Variants in RCBTB1 observed in about 807,000 individuals in gnomAD.
RCBTB1 encodes RCC1 and BTB domain containing protein 1.
RCBTB1 carries 46 observed loss-of-function variants against 62.4 expected under a neutral mutation model. The observed-to-expected ratio is 0.74, with a 90% CI of 0.58 to 0.94. The LOEUF is 0.94. RCBTB1 is among the 40% of genes least tolerant of loss of function. The pLI is 0.00. For synonymous variants in RCBTB1, 222 were observed against 245.8 expected, an observed-to-expected ratio of 0.90 and a Z score of 0.91; for missense variants, 565 against 654.9, an observed-to-expected ratio of 0.86 and a Z score of 1.50.
chr13:49,567,168 T>G lies in RCBTB1; in HGVS notation c.112A>C (p.Thr38Pro). ...GTSASEALYVTDNDEVFVFGL... is the reference protein window; with the variant it reads ...GTSASEALYVPDNDEVFVFGL... ...GAGACTCTTACCTCATCATTGTCAG[T>G]AACGTACAGTGCTTCACTGGCTGAG... The change falls in exon 3 of 13, where the codon ACT (threonine) becomes CCT (proline). Residue 38 changes from threonine (T) to proline (P), a missense_variant. Thr to Pro is a conservative substitution (Grantham distance 38). Transcript: ENST00000378302. 1.2e-6 allele frequency: 2 copies of G among 1,614,112 alleles called. No individual in the cohort carries two copies. Among genetic ancestry groups the G allele is most frequent in the Admixed American group, 3.3e-5 (2 of 60,018 alleles).
In RCBTB1 at chr13:49,554,733, C is replaced by T. The variant is rs143298413; in HGVS notation, c.603+782G>A. On this transcript the variant is annotated intron_variant, in intron 6 of 12. Transcript: ENST00000378302. ...GCTCCATATGAGAATCTAACTCATG[C>T]TTGATGATCTGAGGTGGAACAGTTT... Among the ~76,000 whole-genome samples the T allele has an allele frequency of 4.1e-3, 619 of 152,314 alleles. 2 individuals are homozygous for T. The highest frequency in any genetic ancestry group is 0.027 in the Middle Eastern group (8 of 294).
rs763769082 is a variant in RCBTB1, at chr13:49,534,272, C to G, written c.1456-10G>C. ...AGAATTCTTCTAAATCCTGGACACA[C>G]AACAAAAATAAAAACAAAAATGGCT... is the stretch of plus-strand genomic sequence containing the variant. On this transcript the variant is annotated splice_polypyrimidine_tract_variant and intron_variant, in intron 12 of 12. Transcript: ENST00000378302. 3.1e-6 allele frequency: 5 copies of G among 1,601,638 alleles called. No homozygotes were observed. The East Asian group carries it at 1.1e-4, about 36-fold the overall frequency.
intron 3 of RCBTB1, 62 bp downstream of exon 3, chr13:49,567,085 AACTGGAC>A: frequency 6.8e-7 from 1 of 1,469,984 alleles, no homozygotes; most frequent in African/African-American, 1.4e-5. Context: ...TCCATCTTTG[AACTGGAC>A]ACTTTGAAGA....
chr13:49,539,761 C>G (rs956796080), intron 12 of RCBTB1, among the ~76,000 whole-genome samples: 1 of 152,200 alleles, frequency 6.6e-6, no homozygotes, highest in Non-Finnish European at 1.5e-5. Flanking sequence ...CTTTGATCAT[C>G]ATTCCATCTG....
At chr13:49,558,924 T>C (rs1594301014) in intron 5 of RCBTB1, among the ~76,000 whole-genome samples, 1 of 152,210 alleles carries the variant, frequency 6.6e-6, no homozygotes, top group African/African-American at 2.4e-5. Flanking sequence ...TCACCATAAA[T>C]TGGGTAAATA....
intron 2 of RCBTB1, among the ~76,000 whole-genome samples, chr13:49,573,593 C>T (rs537419812): frequency 2.0e-5 from 3 of 151,348 alleles, no homozygotes; most frequent in East Asian, 2.0e-4. Context: ...GGATTACAGG[C>T]GCCCACCATC....
chr13:49,585,444 C>T lies in RCBTB1; in HGVS notation c.-122G>A, dbSNP rs1416994949. On this transcript the variant is annotated splice_region_variant and 5_prime_UTR_variant, in exon 1 of 13. Coordinates refer to ENST00000378302, the MANE Select transcript of RCBTB1 (RefSeq NM_018191.4). ...GCTCGACCCCGCGCCCACACGCTACCTGCGAGGTCAGCTGCTGCCGCGCCG... is the reference window on the plus strand; with the variant it reads ...GCTCGACCCCGCGCCCACACGCTACTTGCGAGGTCAGCTGCTGCCGCGCCG... 2 of 152,340 alleles carry T rather than the reference C, an allele frequency of 1.3e-5. No homozygotes were observed. 9.4% of individuals were successfully genotyped at this position (152,340 alleles called of 1,614,324 possible).
intron 12 of RCBTB1, among the ~76,000 whole-genome samples, chr13:49,536,286 T>C (rs1006910657): frequency 1.3e-5 from 2 of 152,130 alleles, no homozygotes; most frequent in South Asian, 2.1e-4. Context: ...GGCAGATCTA[T>C]GTAAAAGGAA....
intron 12 of RCBTB1, among the ~76,000 whole-genome samples, chr13:49,540,400 G>A (rs953395876): frequency 2.0e-5 from 3 of 152,196 alleles, no homozygotes; most frequent in African/African-American, 7.2e-5. Context: ...GGAGTCCACA[G>A]CAAGTTCTTA....
intron 12 of RCBTB1, among the ~76,000 whole-genome samples, chr13:49,535,532 C>T (rs768648414): frequency 6.6e-6 from 1 of 151,670 alleles, no homozygotes; most frequent in Non-Finnish European, 1.5e-5. Context: ...AGGTTTTGAC[C>T]GCACATTTCC....
At chr13:49,556,155 T>G (rs1961842668) in intron 5 of RCBTB1, among the ~76,000 whole-genome samples, 2 of 152,050 alleles carry the variant, frequency 1.3e-5, no homozygotes, top group Non-Finnish European at 2.9e-5. Context: ...GCATAAATAT[T>G]CATTGTTTTC....
At chr13:49,543,874 A>C (rs1960589812) in intron 10 of RCBTB1, among the ~76,000 whole-genome samples, 1 of 152,066 alleles carries the variant, frequency 6.6e-6, no homozygotes, top group Admixed American at 6.6e-5. Context: ...TTTTGTAGAG[A>C]CAGTGTCTCG....
At chr13:49,559,601 A>G (rs1300453236) in intron 5 of RCBTB1, among the ~76,000 whole-genome samples, 1 of 145,684 alleles carries the variant, frequency 6.9e-6, no homozygotes, top group Non-Finnish European at 1.5e-5. Flanking sequence ...GCTTGCAGTG[A>G]GCAGAGATCG....
At chr13:49,580,014 T>C (rs1964005218) in intron 2 of RCBTB1, among the ~76,000 whole-genome samples, 1 of 152,192 alleles carries the variant, frequency 6.6e-6, no homozygotes, top group Non-Finnish European at 1.5e-5. Flanking sequence ...TTTCATCTCG[T>C]CTCACTTCTA....
intron 10 of RCBTB1, among the ~76,000 whole-genome samples, chr13:49,542,963 G>C (rs1960501852): frequency 6.6e-6 from 1 of 152,128 alleles, no homozygotes; most frequent in African/African-American, 2.4e-5. Context: ...ACGGCACAAA[G>C]AGAAAAAGTA....
intron 2 of RCBTB1, among the ~76,000 whole-genome samples, chr13:49,575,411 C>A (rs1963708184): frequency 7.0e-6 from 1 of 143,410 alleles, no homozygotes. Flanking sequence ...GGTATACATC[C>A]AAAGGAAAAT....
chr13:49,581,890 G>C (rs763181683), intron 1 of RCBTB1, among the ~76,000 whole-genome samples: 10 of 152,238 alleles, frequency 6.6e-5, no homozygotes, highest in Non-Finnish European at 1.3e-4. Context: ...TGAGGTTGTG[G>C]GTGGAAGAGG....
At chr13:49,577,448 A>T (rs1344252623) in intron 2 of RCBTB1, among the ~76,000 whole-genome samples, 2 of 152,214 alleles carry the variant, frequency 1.3e-5, no homozygotes, top group African/African-American at 4.8e-5. Context: ...CAACAGTGGA[A>T]ATTTAGGGTT....
intron 12 of RCBTB1, among the ~76,000 whole-genome samples, chr13:49,534,769 C>G (rs1594237560): frequency 6.6e-6 from 1 of 152,344 alleles, no homozygotes; most frequent in East Asian, 1.9e-4. Context: ...CACGGTGGCT[C>G]ACGCCTGTAA....
Sources: allele counts gnomAD v4.1 joint callset (sites outside exome capture counted in the v4.1 genomes callset), GRCh38; gene constraint gnomAD v4.1.1; transcripts MANE v1.5; gene names NCBI Gene and HGNC (gene_info 2026-07-23, HGNC 2026-07-21).